The following PTPRD variants were observed in gnomAD, a reference collection of about 807,000 sequenced individuals.
PTPRD encodes protein tyrosine phosphatase receptor type D.
Under a neutral mutation model 214.5 loss-of-function variants are expected in PTPRD, and 34 were observed. The ratio of observed to expected loss-of-function variants is 0.16; its 90% confidence interval spans 0.12 to 0.21. PTPRD has a LOEUF of 0.21. Among genes scored for constraint, PTPRD ranks in the 10% least tolerant of loss-of-function variants. PTPRD has a pLI of 1.00. For missense variants in PTPRD, 2,545 were observed against 2,398.7 expected, an observed-to-expected ratio of 1.06 and a Z score of -1.27; for synonymous variants, 1,128 against 845.7, an observed-to-expected ratio of 1.33 and a Z score of -5.79.
At chr9:8,954,206 A>G (rs1410505436) in intron 11 of PTPRD, among the ~76,000 whole-genome samples, 1 of 152,006 alleles carries the variant, frequency 6.6e-6, no homozygotes, top group East Asian at 1.9e-4. Flanking sequence ...ACATGCATGC[A>G]GCTTAAGGCC....
In PTPRD at chr9:8,316,609, T is replaced by G. The variant is rs1192096774; in HGVS notation, c.*1265A>C. On this transcript the variant is annotated 3_prime_UTR_variant, in exon 46 of 46. Coordinates refer to ENST00000381196, the MANE Select transcript of PTPRD (RefSeq NM_002839.4). ...CTGACCTTTCCCACATGCACACCTCTTAGCTATTTAATAATAATTTTTATT... is the reference window on the plus strand; with the variant it reads ...CTGACCTTTCCCACATGCACACCTCGTAGCTATTTAATAATAATTTTTATT... The G allele has an allele frequency of 4.3e-6, 1 of 230,796 alleles. No homozygotes were observed. The highest frequency in any genetic ancestry group is 2.2e-5 in the African/African-American group (1 of 45,154). 14.3% of individuals were successfully genotyped at this position (230,796 alleles called of 1,614,324 possible).
Position 8,317,920 on chromosome 9 carries a change from C to T in PTPRD, c.5693G>A (p.Arg1898His), listed in dbSNP as rs200610422. The stretch of plus-strand genomic sequence containing the variant: ...GCTGCCCAGGTACTCTAGTGCGGCA[C>T]GATAGGAAAACTGATATTGATCCTG... Reference protein sequence around the residue: ...QTEDQYQFSYRAALEYLGSFD... With the variant: ...QTEDQYQFSYHAALEYLGSFD... The change falls in exon 46 of 46, where the codon CGT becomes CAT. Residue 1898 changes from arginine (R) to histidine (H), a missense_variant. Arg to His is a conservative substitution (Grantham distance 29). Transcript: ENST00000381196. The T allele has an allele frequency of 2.1e-5, 34 of 1,611,414 alleles. No individual in the cohort carries two copies. Among genetic ancestry groups the T allele is most frequent in the East Asian group, 4.5e-5 (2 of 44,788 alleles).
At chr9:9,754,133 A>AGGATGGAG (rs2098547062) in intron 6 of PTPRD, among the ~76,000 whole-genome samples, 1 of 152,106 alleles carries the variant, frequency 6.6e-6, no homozygotes, top group Admixed American at 6.6e-5. Context: ...CTTGAATGAA[A>AGGATGGAG]GGATGGAGGG....
chr9:9,722,688 T>A (rs2097981736), intron 7 of PTPRD, among the ~76,000 whole-genome samples: 1 of 152,070 alleles, frequency 6.6e-6, no homozygotes, highest in Non-Finnish European at 1.5e-5. Context: ...CCACCAGCAA[T>A]TGATAACAAT....
chr9:9,798,181 C>T (rs10125701), intron 5 of PTPRD, among the ~76,000 whole-genome samples: 12,183 of 151,988 alleles, frequency 0.08, 727 homozygotes, highest in African/African-American at 0.17. Flanking sequence ...TTATTTTCTT[C>T]GATAACATTG....
intron 7 of PTPRD, among the ~76,000 whole-genome samples, chr9:9,575,027 T>C (rs1274767473): frequency 6.6e-6 from 1 of 151,932 alleles, no homozygotes; most frequent in Non-Finnish European, 1.5e-5. Context: ...AGGCAATTAT[T>C]GTCCACTTGC....
At chr9:10,057,461 C>T (rs1245458145) in intron 3 of PTPRD, among the ~76,000 whole-genome samples, 8 of 151,746 alleles carry the variant, frequency 5.3e-5, no homozygotes, top group Admixed American at 4.6e-4. Context: ...TCCAAACATT[C>T]GCACTCTTTC....
At chr9:8,365,411 C>T (rs1588755518) in intron 39 of PTPRD, among the ~76,000 whole-genome samples, 2 of 152,292 alleles carry the variant, frequency 1.3e-5, no homozygotes, top group Admixed American at 6.5e-5. Context: ...TTATGAAATG[C>T]ATTTTTGAGA....
At chr9:9,120,029 T>C (rs2099816130) in intron 10 of PTPRD, among the ~76,000 whole-genome samples, 1 of 152,120 alleles carries the variant, frequency 6.6e-6, no homozygotes, top group African/African-American at 2.4e-5. Context: ...TGCATACCAT[T>C]TTCTAAACTG....
intron 9 of PTPRD, among the ~76,000 whole-genome samples, chr9:9,294,200 ATTGT>A (rs1247973685): frequency 6.6e-6 from 1 of 151,642 alleles, no homozygotes; most frequent in East Asian, 2.0e-4. Context: ...AAACTTATGA[ATTGT>A]TTATTTCTGG....
At chr9:10,151,319 G>T (rs1194141616) in intron 3 of PTPRD, among the ~76,000 whole-genome samples, 1 of 124,850 alleles carries the variant, frequency 8.0e-6, no homozygotes, top group Non-Finnish European at 1.6e-5. Flanking sequence ...CTAGAGTACA[G>T]TGGTGCGATC....
chr9:10,131,612 T>A (rs2154258582), intron 3 of PTPRD, among the ~76,000 whole-genome samples: 1 of 152,280 alleles, frequency 6.6e-6, no homozygotes, highest in East Asian at 1.9e-4. Flanking sequence ...CTCCCATTAT[T>A]TTATAATTAT....
chr9:9,784,009 G>A (rs2098893138), intron 5 of PTPRD, among the ~76,000 whole-genome samples: 1 of 151,776 alleles, frequency 6.6e-6, no homozygotes. Context: ...TGATAAAGCT[G>A]AACAATAACT....
intron 4 of PTPRD, among the ~76,000 whole-genome samples, chr9:10,005,382 T>C (rs548420289): frequency 6.6e-6 from 1 of 152,278 alleles, no homozygotes; most frequent in East Asian, 1.9e-4. Context: ...TAGGTTCTAC[T>C]GTGCTCAGTT....
rs76169402 is a variant in PTPRD, at chr9:8,493,736, G to A, written c.2350-757C>T. ...TAGTTTTACCACATCACTAGTATGT[G>A]CTCAATTTATTTTGACTTTCTAAAA... is the stretch of plus-strand genomic sequence containing the variant. On this transcript the variant is annotated intron_variant, in intron 26 of 45. Coordinates refer to ENST00000381196, the MANE Select transcript of PTPRD (RefSeq NM_002839.4). Among the ~76,000 whole-genome samples, 1,142 of 152,230 alleles carry A rather than the reference G, an allele frequency of 7.5e-3. 10 individuals are homozygous for A. The highest frequency in any genetic ancestry group is 0.013 in the Non-Finnish European group (889 of 68,006).
chr9:8,864,951 G>A (rs898482362), intron 11 of PTPRD, among the ~76,000 whole-genome samples: 6 of 152,276 alleles, frequency 3.9e-5, no homozygotes, highest in Non-Finnish European at 1.5e-5. Context: ...AAACAGCTTT[G>A]TACAAGCTAG....
At chr9:9,630,177 C>T (rs1176196000) in intron 7 of PTPRD, among the ~76,000 whole-genome samples, 1 of 152,202 alleles carries the variant, frequency 6.6e-6, no homozygotes, top group East Asian at 1.9e-4. Flanking sequence ...ACAGGACTTA[C>T]AAATGCTGAA....
chr9:9,914,818 T>C (rs2080235916), intron 5 of PTPRD, among the ~76,000 whole-genome samples: 1 of 152,102 alleles, frequency 6.6e-6, no homozygotes, highest in Non-Finnish European at 1.5e-5. Context: ...TGGGCAAATA[T>C]GCCCCCAAAC....
chr9:10,151,391 T>C (rs2099060311), intron 3 of PTPRD, among the ~76,000 whole-genome samples: 1 of 150,766 alleles, frequency 6.6e-6, no homozygotes, highest in South Asian at 2.1e-4. Flanking sequence ...GCCTCCCGAG[T>C]AGCTGGGATT....
Sources: gnomAD v4.1 joint callset for allele counts (sites outside exome capture counted in the v4.1 genomes callset) on GRCh38, gnomAD v4.1.1 for gene constraint, MANE v1.5 for transcripts, NCBI Gene and HGNC (gene_info 2026-07-23, HGNC 2026-07-21) for gene names.